EXT2: variants seen among roughly 807,000 people sequenced by gnomAD.
EXT2 encodes the protein exostosin-2.
A neutral mutation model predicts 81.6 loss-of-function variants in EXT2; 53 were observed. The ratio of observed to expected loss-of-function variants is 0.65; its 90% CI spans 0.52 to 0.82. The LOEUF (loss-of-function observed/expected upper bound fraction) is 0.82. Among genes scored for constraint, EXT2 ranks in the 40% least tolerant of loss-of-function variants. The pLI is 0.00. For synonymous variants in EXT2, 320 were observed against 340.0 expected, an observed-to-expected ratio of 0.94 and a Z score of 0.65; for missense variants, 774 against 910.2, an observed-to-expected ratio of 0.85 and a Z score of 1.93.
intron 7 of EXT2, among the ~76,000 whole-genome samples, chr11:44,156,360 C>T (rs1954855357): frequency 6.6e-6 from 1 of 152,164 alleles, no homozygotes; most frequent in Admixed American, 6.5e-5. Flanking sequence ...GCCAATAACT[C>T]TTAGATTCGC....
intron 7 of EXT2, among the ~76,000 whole-genome samples, chr11:44,140,836 CAT>C (rs1431476277): frequency 1.3e-5 from 2 of 152,128 alleles, no homozygotes; most frequent in Non-Finnish European, 2.9e-5. Context: ...TTGGCACAAA[CAT>C]GTTATTTTTC....
At position 44,248,311 on chromosome 11, in the gene EXT2, T is replaced by C. The variant is rs1956112587; in HGVS notation, c.*4024T>C. Among the ~76,000 whole-genome samples, 1 of 152,126 alleles carries C rather than the reference T, an allele frequency of 6.6e-6. No homozygotes were observed. Among genetic ancestry groups the C allele is most frequent in the Non-Finnish European group, 1.5e-5 (1 of 68,024 alleles). ...CTGAGGAGCAGTTCTGGCAGGAGTG[T>C]TAACCATATTGGCAGCAGCTTCCAT... On this transcript the variant is annotated 3_prime_UTR_variant, in exon 14 of 14. Coordinates refer to ENST00000533608, the MANE Select transcript of EXT2 (RefSeq NM_207122.2).
intron 8 of EXT2, among the ~76,000 whole-genome samples, chr11:44,176,756 G>C (rs989969104): frequency 1.3e-5 from 2 of 152,022 alleles, no homozygotes; most frequent in Non-Finnish European, 2.9e-5. Flanking sequence ...ACATTCCGAG[G>C]TGGGAGTAGG....
intron 10 of EXT2, among the ~76,000 whole-genome samples, chr11:44,227,261 T>C (rs1955847955): frequency 6.6e-6 from 1 of 152,244 alleles, no homozygotes; most frequent in African/African-American, 2.4e-5. Flanking sequence ...TAACTTCTTT[T>C]TAGGACCATT....
chr11:44,192,864 AG>A (rs1162351057), intron 8 of EXT2, among the ~76,000 whole-genome samples: 21 of 152,206 alleles, frequency 1.4e-4, no homozygotes, highest in Non-Finnish European at 1.6e-4. Flanking sequence ...GTATAAAATG[AG>A]TTAACTAGGT....
chr11:44,217,134 G>T (rs1955729197), intron 10 of EXT2, among the ~76,000 whole-genome samples: 1 of 151,498 alleles, frequency 6.6e-6, no homozygotes, highest in Non-Finnish European at 1.5e-5. Flanking sequence ...AAGATCTTAG[G>T]ATCATCCTGT....
intron 3 of EXT2, among the ~76,000 whole-genome samples, chr11:44,110,215 T>C (rs1265508152): frequency 6.6e-6 from 1 of 152,232 alleles, no homozygotes; most frequent in African/African-American, 2.4e-5. Context: ...CATTATCATT[T>C]ATGAAAATCG....
At chr11:44,232,913 A>G (rs572007953) in intron 11 of EXT2, among the ~76,000 whole-genome samples, 1 of 152,300 alleles carries the variant, frequency 6.6e-6, no homozygotes, top group African/African-American at 2.4e-5. Flanking sequence ...TTAAGATACC[A>G]TTATCTTAAT....
chr11:44,142,628 C>T (rs945021091), intron 7 of EXT2, among the ~76,000 whole-genome samples: 3 of 152,166 alleles, frequency 2.0e-5, no homozygotes, highest in Non-Finnish European at 4.4e-5. Flanking sequence ...ATTTAATGAT[C>T]TTATACATGT....
intron 7 of EXT2, among the ~76,000 whole-genome samples, chr11:44,130,918 C>T (rs1954484397): frequency 6.6e-6 from 1 of 152,256 alleles, no homozygotes; most frequent in African/African-American, 2.4e-5. Context: ...GTTCGGCACC[C>T]TCAGCCTCAG....
At position 44,171,827 on chromosome 11, in the gene EXT2, G is replaced by A. The variant is rs1323503964; in HGVS notation, c.1305+85G>A. The A allele has an allele frequency of 3.2e-6, 5 of 1,579,830 alleles. No individual in the cohort carries two copies. The African/African-American group carries it at 4.0e-5, about 13-fold the overall frequency. On this transcript the variant is annotated intron_variant, in intron 8 of 13. Transcript: ENST00000533608. ...GGAAAAATGTACTACAATTGTAAAG[G>A]TTATTTAAATTCTAGCTTTCTAAGA...
At chr11:44,111,796 G>A (rs946419675) in intron 3 of EXT2, among the ~76,000 whole-genome samples, 2 of 152,122 alleles carry the variant, frequency 1.3e-5, no homozygotes, top group African/African-American at 2.4e-5. Flanking sequence ...AGAAACAAAT[G>A]CCAGACATCA....
At chr11:44,216,282 A>T (rs1955718635) in intron 10 of EXT2, among the ~76,000 whole-genome samples, 1 of 152,208 alleles carries the variant, frequency 6.6e-6, no homozygotes, top group African/African-American at 2.4e-5. Flanking sequence ...ACTTCCTGAG[A>T]TCCCTTTGGT....
rs537717749 is a variant in EXT2, at chr11:44,144,886, G to A, written c.1173+14748G>A. Reference sequence around the variant, plus strand: ...TATTTTGAAAGTTTTTTTTTAATAGGGCAAAAGCATGCAAATCACAAGCAT... The same window carrying A: ...TATTTTGAAAGTTTTTTTTTAATAGAGCAAAAGCATGCAAATCACAAGCAT... On this transcript the variant is annotated intron_variant, in intron 7 of 13. Coordinates refer to ENST00000533608, the MANE Select transcript of EXT2 (RefSeq NM_207122.2). 3.3e-5 allele frequency among the ~76,000 whole-genome samples: 5 copies of A among 151,986 alleles called. No homozygotes were observed. In the South Asian group the frequency reaches 1.0e-3, roughly 32 times the overall value.
chr11:44,109,676 G>A (rs559344700), intron 3 of EXT2, among the ~76,000 whole-genome samples: 11 of 152,138 alleles, frequency 7.2e-5, no homozygotes, highest in Admixed American at 6.5e-5. Context: ...AATGTAGAGG[G>A]TAATGGGGGC....
intron 4 of EXT2, among the ~76,000 whole-genome samples, chr11:44,117,500 T>TG: frequency 6.6e-6 from 1 of 152,292 alleles, no homozygotes; most frequent in South Asian, 2.1e-4. Context: ...TGGTATAAGG[T>TG]GGGGGTCCAA....
rs374084527 is a variant in EXT2, at chr11:44,237,902, TAAAAAAAAAAAAAAA to T, written c.2018+1541_2018+1555del. On this transcript the variant is annotated intron_variant, in intron 13 of 13. Coordinates refer to ENST00000533608, the MANE Select transcript of EXT2 (RefSeq NM_207122.2). ...AACATGGTGAAACCCCGTCTCTACT[TAAAAAAAAAAAAAAA>T]AAAAAAAAAAAAACATACAAAGTTA... 1.8e-3 allele frequency among the ~76,000 whole-genome samples: 101 copies of T among 56,384 alleles called. No homozygotes were observed. In the East Asian group the frequency reaches 0.021, roughly 12 times the overall value. The allele number at this position is 56,384 out of a possible 152,430, so 37.0% of individuals were successfully genotyped here. A position where few individuals can be genotyped will look rare whatever the true frequency, so the allele number is the denominator to read the frequency against.
chr11:44,119,169 T>TATAC lies in EXT2; in HGVS notation c.743+4869_743+4870insTACA, dbSNP rs1192115471. Among the ~76,000 whole-genome samples the TATAC allele has an allele frequency of 3.0e-3, 188 of 63,030 alleles. 11 individuals carry two copies. The highest frequency in any genetic ancestry group is 8.1e-3 in the Middle Eastern group (1 of 124). The allele number at this position is 63,030 out of a possible 152,430, so 41.4% of individuals were successfully genotyped here. A position where few individuals can be genotyped will look rare whatever the true frequency, so the allele number is the denominator to read the frequency against. On this transcript the variant is annotated intron_variant, in intron 4 of 13. Coordinates refer to ENST00000533608, the MANE Select transcript of EXT2 (RefSeq NM_207122.2). Reference sequence around the variant, plus strand: ...ATATATATATATATATATATATATATACACATACACACACACACACACACA... The same window carrying TATAC: ...ATATATATATATATATATATATATATATACACACATACACACACACACACACACA...
intron 7 of EXT2, among the ~76,000 whole-genome samples, chr11:44,132,767 C>T (rs1954511777): frequency 6.6e-6 from 1 of 152,134 alleles, no homozygotes; most frequent in South Asian, 2.1e-4. Flanking sequence ...CTTTCTAACT[C>T]CCTTTTCCGC....
Sources: gnomAD v4.1 joint callset for allele counts (sites outside exome capture counted in the v4.1 genomes callset) on GRCh38, gnomAD v4.1.1 for gene constraint, MANE v1.5 for transcripts, NCBI Gene and HGNC (gene_info 2026-07-23, HGNC 2026-07-21) for gene names.